The following TMTC1 variants were observed in gnomAD, a reference collection of about 807,000 sequenced individuals.
TMTC1 encodes transmembrane O-mannosyltransferase targeting cadherins 1.
Under a neutral mutation model 104.8 loss-of-function variants are expected in TMTC1, and 73 were observed. That is an observed-to-expected ratio of 0.70 (90% CI 0.58 to 0.85). TMTC1 has a LOEUF of 0.85. TMTC1 is among the 40% of genes least tolerant of loss of function. The pLI is 0.00. For missense variants in TMTC1, 1,035 were observed against 1,096.1 expected, an observed-to-expected ratio of 0.94 and a Z score of 0.79; for synonymous variants, 434 against 428.7, an observed-to-expected ratio of 1.01 and a Z score of -0.15.
At chr12:29,539,042 GTTATTGTTTCTAAAAGGGAGAGGA>G (rs2136209931) in intron 10 of TMTC1, among the ~76,000 whole-genome samples, 2 of 152,248 alleles carry the variant, frequency 1.3e-5, no homozygotes, top group African/African-American at 4.8e-5. Flanking sequence ...GTGGTGATTT[GTTATTGTTTCTAAAAGGGAGAGGA>G]ATGAAGAGAA....
intron 11 of TMTC1, 54 bp from the exon 12 acceptor site, chr12:29,520,774 A>C: frequency 7.1e-7 from 1 of 1,408,994 alleles, no homozygotes; most frequent in South Asian, 1.2e-5. Flanking sequence ...TAAAACCAAC[A>C]ATAACTGAAT....
chr12:29,569,450 C>T (rs1945607643), intron 9 of TMTC1, among the ~76,000 whole-genome samples: 1 of 152,150 alleles, frequency 6.6e-6, no homozygotes, highest in Non-Finnish European at 1.5e-5. Flanking sequence ...TCCCTAATCA[C>T]TCTCTTTCTT....
intron 5 of TMTC1, among the ~76,000 whole-genome samples, chr12:29,644,086 TATAAATATAAATATATAA>T: frequency 2.3e-5 from 1 of 42,668 alleles, no homozygotes; most frequent in Non-Finnish European, 4.1e-5. Flanking sequence ...TAAATATAAA[TATAAATATAAATATATAA>T]ATATATATGT....
At chr12:29,564,286 T>C (rs1945451810) in intron 9 of TMTC1, among the ~76,000 whole-genome samples, 2 of 152,060 alleles carry the variant, frequency 1.3e-5, no homozygotes, top group Admixed American at 1.3e-4. Flanking sequence ...GTCATAGATT[T>C]GAGGGTCAAC....
At chr12:29,593,832 T>C (rs1456410330) in intron 7 of TMTC1, among the ~76,000 whole-genome samples, 1 of 152,250 alleles carries the variant, frequency 6.6e-6, no homozygotes, top group African/African-American at 2.4e-5. Flanking sequence ...GCAGGTTCTT[T>C]TTAGGATAGA....
intron 9 of TMTC1, among the ~76,000 whole-genome samples, chr12:29,571,337 A>T (rs759487403): frequency 3.3e-5 from 5 of 151,992 alleles, no homozygotes; most frequent in Non-Finnish European, 7.4e-5. Context: ...ACAGAAAACC[A>T]TCTTGAAAGT....
rs1173315747 is a variant in TMTC1 at position 29,633,264 on chromosome 12, G to A, written c.1011C>T (p.Asp337=). ...CCAGAGGAATACTGCCGACCTGCCA[G>A]TCATAGCACAGGGTCACGGGTGCAA... is the stretch of plus-strand genomic sequence containing the variant. ...LLLAPVTLCY[D]WQVGSIPLVE... is the part of the protein sequence containing the mutation. Residue 337 remains aspartate, a synonymous_variant, in exon 6 of 18, where the codon GAC becomes GAT. Transcript: ENST00000539277. 5.6e-6 allele frequency: 9 copies of A among 1,613,914 alleles called. No homozygotes were observed. Among genetic ancestry groups the A allele is most frequent in the Non-Finnish European group, 6.8e-6 (8 of 1,179,992 alleles).
intron 11 of TMTC1, among the ~76,000 whole-genome samples, chr12:29,525,019 C>T (rs1444184811): frequency 6.6e-6 from 1 of 151,804 alleles, no homozygotes; most frequent in African/African-American, 2.4e-5. Flanking sequence ...TGGGGAGAAA[C>T]TTTCCTGATT....
At chr12:29,629,830 T>C (rs1319756103) in intron 6 of TMTC1, among the ~76,000 whole-genome samples, 3 of 152,260 alleles carry the variant, frequency 2.0e-5, no homozygotes, top group African/African-American at 7.2e-5. Flanking sequence ...TATATAACTT[T>C]CACCTCAATT....
chr12:29,761,519 A>T (rs1022753184), intron 2 of TMTC1, among the ~76,000 whole-genome samples: 2 of 151,852 alleles, frequency 1.3e-5, no homozygotes, highest in African/African-American at 2.4e-5. Context: ...TGGAAGAGGG[A>T]TGGGAAACAG....
intron 5 of TMTC1, among the ~76,000 whole-genome samples, chr12:29,693,522 C>T (rs890887633): frequency 1.3e-5 from 2 of 152,118 alleles, no homozygotes; most frequent in Admixed American, 6.5e-5. Flanking sequence ...CTATCCCCTT[C>T]GTTCCCCACC....
intron 7 of TMTC1, among the ~76,000 whole-genome samples, chr12:29,600,315 A>G (rs79929391): frequency 0.047 from 7,128 of 152,080 alleles, 571 homozygotes; most frequent in African/African-American, 0.16. Context: ...TAAGACAGGG[A>G]CAGCTCATCA....
intron 11 of TMTC1, among the ~76,000 whole-genome samples, chr12:29,524,179 T>C (rs1020631038): frequency 9.2e-5 from 14 of 152,172 alleles, no homozygotes; most frequent in African/African-American, 3.1e-4. Flanking sequence ...TGAGGGAACA[T>C]AGTGTGCCAG....
chr12:29,658,971 C>G lies in TMTC1; in HGVS notation c.939-25635G>C, dbSNP rs968314534. Among the ~76,000 whole-genome samples, 4 of 152,170 alleles carry G rather than the reference C, an allele frequency of 2.6e-5. No individual in the cohort carries two copies. The South Asian group carries it at 8.3e-4, about 32-fold the overall frequency. ...AATAAAATAGTTAAGGACTTAAAAT[C>G]CTATTCAGTGAATCAGATCCACTGA... On this transcript the variant is annotated intron_variant, in intron 5 of 17. Transcript: ENST00000539277.
At chr12:29,595,871 G>A (rs1946392158) in intron 7 of TMTC1, among the ~76,000 whole-genome samples, 1 of 152,176 alleles carries the variant, frequency 6.6e-6, no homozygotes, top group African/African-American at 2.4e-5. Flanking sequence ...GAGGAAAACA[G>A]GAAAGCTTGA....
intron 6 of TMTC1, among the ~76,000 whole-genome samples, chr12:29,610,873 T>G (rs1237801463): frequency 6.6e-6 from 1 of 152,208 alleles, no homozygotes; most frequent in African/African-American, 2.4e-5. Context: ...CACTCTCTAG[T>G]TGGCTCAGGC....
intron 5 of TMTC1, among the ~76,000 whole-genome samples, chr12:29,648,561 C>T (rs1007461729): frequency 5.8e-4 from 89 of 152,280 alleles, no homozygotes; most frequent in African/African-American, 2.1e-3. Context: ...CAGACAGAGG[C>T]TGCAGAGAGT....
Position 29,660,031 on chromosome 12 carries a change from C to T in TMTC1, c.939-26695G>A, listed in dbSNP as rs772987843. The T allele has an allele frequency of 4.9e-6, 7 of 1,425,096 alleles. No individual in the cohort carries two copies. The South Asian group carries it at 7.5e-5, about 15-fold the overall frequency. The allele number at this position is 1,425,096 out of a possible 1,614,324, so 88.3% of individuals were successfully genotyped here. Reference sequence around the variant, plus strand: ...GTGAGATTGCCACCAATAATCTCCACCCTTTTTGCAGGTGCATTCTGTTCC... The same window carrying T: ...GTGAGATTGCCACCAATAATCTCCATCCTTTTTGCAGGTGCATTCTGTTCC... On this transcript the variant is annotated intron_variant, in intron 5 of 17. Coordinates refer to ENST00000539277, the MANE Select transcript of TMTC1 (RefSeq NM_001193451.2).
chr12:29,553,034 G>C (rs542449273), intron 10 of TMTC1, among the ~76,000 whole-genome samples: 13 of 152,206 alleles, frequency 8.5e-5, no homozygotes, highest in Non-Finnish European at 1.6e-4. Flanking sequence ...CATAACTTCA[G>C]GGTGATGGAA....
Sources: gnomAD v4.1 joint callset for allele counts (sites outside exome capture counted in the v4.1 genomes callset) on GRCh38, gnomAD v4.1.1 for gene constraint, MANE v1.5 for transcripts, NCBI Gene and HGNC (gene_info 2026-07-23, HGNC 2026-07-21) for gene names.